The following RYR3 variants were observed in gnomAD, a reference collection of about 807,000 sequenced individuals.
The protein encoded by RYR3 is ryanodine receptor 3, also known as brain ryanodine receptor-calcium release channel.
RYR3 carries 207 observed loss-of-function variants against 584.3 expected under a neutral mutation model. That is an observed-to-expected ratio of 0.35 (90% CI 0.32 to 0.40). RYR3 has a LOEUF of 0.40. Ranked by LOEUF, RYR3 falls within the 10% of genes least tolerant of loss-of-function variation. The pLI, the probability that RYR3 is intolerant of heterozygous loss-of-function variation, is 1.00. For synonymous variants in RYR3, 2,416 were observed against 2,248.5 expected, an observed-to-expected ratio of 1.07 and a Z score of -2.11; for missense variants, 5,616 against 6,089.2, an observed-to-expected ratio of 0.92 and a Z score of 2.59.
intron 1 of RYR3, among the ~76,000 whole-genome samples, chr15:33,446,269 A>G (rs1216225758): frequency 6.6e-6 from 1 of 152,236 alleles, no homozygotes; most frequent in African/African-American, 2.4e-5. Flanking sequence ...TTGAAGACTT[A>G]GGACAACTGA....
At chr15:33,424,834 C>T (rs1047781385) in intron 1 of RYR3, among the ~76,000 whole-genome samples, 2 of 152,128 alleles carry the variant, frequency 1.3e-5, no homozygotes, top group South Asian at 4.1e-4. Context: ...GATGAGAAGC[C>T]GGGCATGGTG....
chr15:33,425,369 C>T (rs968937278), intron 1 of RYR3, among the ~76,000 whole-genome samples: 11 of 152,128 alleles, frequency 7.2e-5, no homozygotes, highest in African/African-American at 2.7e-4. Flanking sequence ...CTCCTCCTGT[C>T]GTCATTGTAT....
intron 16 of RYR3, among the ~76,000 whole-genome samples, chr15:33,590,652 GGC>G (rs2059086086): frequency 1.5e-5 from 1 of 66,640 alleles, no homozygotes; most frequent in Non-Finnish European, 3.1e-5. Flanking sequence ...TTTTTTTTTT[GGC>G]AGCTATTGTA....
chr15:33,489,018 G>C (rs1312616498), intron 2 of RYR3, among the ~76,000 whole-genome samples: 1 of 152,086 alleles, frequency 6.6e-6, no homozygotes, highest in African/African-American at 2.4e-5. Context: ...TCATACTACT[G>C]TTTTGGGTAG....
At chr15:33,435,287 T>C (rs564011818) in intron 1 of RYR3, among the ~76,000 whole-genome samples, 1 of 152,166 alleles carries the variant, frequency 6.6e-6, no homozygotes, top group Non-Finnish European at 1.5e-5. Flanking sequence ...AATTTTTATA[T>C]AGATGTGTCA....
At chr15:33,456,424 G>A (rs754569008) in intron 1 of RYR3, among the ~76,000 whole-genome samples, 3 of 152,064 alleles carry the variant, frequency 2.0e-5, no homozygotes, top group African/African-American at 4.8e-5. Flanking sequence ...ATAGCATTAC[G>A]TCTTTTTTTT....
chr15:33,645,532 A>AG (rs1186837827), intron 28 of RYR3, among the ~76,000 whole-genome samples: 3 of 152,184 alleles, frequency 2.0e-5, no homozygotes, highest in Non-Finnish European at 2.9e-5. Flanking sequence ...CCGTTACTTT[A>AG]GAAAAGTGAC....
chr15:33,790,659 AAG>A (rs2075099718), intron 67 of RYR3, among the ~76,000 whole-genome samples: 1 of 152,168 alleles, frequency 6.6e-6, no homozygotes, highest in Admixed American at 6.5e-5. Flanking sequence ...AATTGCATAT[AAG>A]ATTCAGAGTT....
At chr15:33,671,996 T>G (rs1337577568) in intron 38 of RYR3, among the ~76,000 whole-genome samples, 2 of 151,930 alleles carry the variant, frequency 1.3e-5, no homozygotes, top group African/African-American at 4.8e-5. Context: ...GTATTTTTAG[T>G]AGAGACAGGG....
chr15:33,325,653 C>T (rs552886592), intron 1 of RYR3, among the ~76,000 whole-genome samples: 34 of 151,204 alleles, frequency 2.2e-4, no homozygotes, highest in African/African-American at 8.3e-4. Context: ...CTTTCCTTTT[C>T]TTTTCTTTTC....
At chr15:33,840,990 G>A (rs2152983937) in intron 90 of RYR3, 107 bp downstream of exon 90, 1 of 997,246 alleles carries the variant, frequency 1.0e-6, no homozygotes, top group Non-Finnish European at 1.5e-6. Flanking sequence ...GGCTGAGGCT[G>A]GAGGATCACT....
chr15:33,543,242 C>T (rs1221900947), intron 7 of RYR3, among the ~76,000 whole-genome samples: 2 of 152,126 alleles, frequency 1.3e-5, no homozygotes, highest in Non-Finnish European at 2.9e-5. Flanking sequence ...AAAGTGTACA[C>T]AGTGAGATTG....
At chr15:33,605,374 C>G (rs1011348284) in intron 18 of RYR3, among the ~76,000 whole-genome samples, 1 of 152,192 alleles carries the variant, frequency 6.6e-6, no homozygotes, top group Non-Finnish European at 1.5e-5. Flanking sequence ...TCCCTCCTGT[C>G]TCCTCTGAAG....
chr15:33,489,093 C>T (rs577807243), intron 2 of RYR3, among the ~76,000 whole-genome samples: 1 of 152,276 alleles, frequency 6.6e-6, no homozygotes, highest in African/African-American at 2.4e-5. Context: ...AAAATGACCT[C>T]TCAGGCCTGA....
intron 1 of RYR3, among the ~76,000 whole-genome samples, chr15:33,351,677 G>T (rs913331117): frequency 8.0e-5 from 12 of 150,892 alleles, no homozygotes; most frequent in African/African-American, 2.9e-4. Context: ...TATCTCAATA[G>T]ATGCAGAAAA....
intron 23 of RYR3, among the ~76,000 whole-genome samples, chr15:33,632,353 A>G (rs2061311589): frequency 6.6e-6 from 1 of 152,250 alleles, no homozygotes; most frequent in South Asian, 2.1e-4. Context: ...GTGTCTACAT[A>G]GAGCTCTTCC....
intron 1 of RYR3, among the ~76,000 whole-genome samples, chr15:33,315,926 G>C (rs1323990573): frequency 6.6e-6 from 1 of 152,152 alleles, no homozygotes; most frequent in Non-Finnish European, 1.5e-5. Flanking sequence ...TAAGGACTGA[G>C]GTCAAGGGAT....
At chr15:33,513,532 G>A (rs1039863471) in intron 3 of RYR3, among the ~76,000 whole-genome samples, 1 of 152,248 alleles carries the variant, frequency 6.6e-6, no homozygotes, top group Non-Finnish European at 1.5e-5. Flanking sequence ...CTGCTCTGCA[G>A]AGGGCTGAAA....
chr15:33,550,011 A>G, intron 9 of RYR3, 149 bp from the exon 10 acceptor site: 1 of 721,954 alleles, frequency 1.4e-6, no homozygotes, highest in Admixed American at 3.1e-5. Flanking sequence ...GAAATCCTAC[A>G]GCAAGCCAGC....
Sources: allele counts gnomAD v4.1 joint callset (sites outside exome capture counted in the v4.1 genomes callset), GRCh38; gene constraint gnomAD v4.1.1; transcripts MANE v1.5; gene names NCBI Gene and HGNC (gene_info 2026-07-23, HGNC 2026-07-21).